The following RALGAPA2 variants were observed in gnomAD, a reference collection of about 807,000 sequenced individuals.
The protein encoded by RALGAPA2 is Ral GTPase activating protein catalytic subunit alpha 2, also known as ral GTPase-activating protein subunit alpha-2.
A neutral mutation model predicts 230.4 loss-of-function variants in RALGAPA2; 139 were observed. That is an observed-to-expected ratio of 0.60 (90% CI 0.53 to 0.69). The LOEUF (loss-of-function observed/expected upper bound fraction) is 0.69, where lower values mean the gene tolerates loss of function less well. Among genes scored for constraint, RALGAPA2 ranks in the 30% least tolerant of loss-of-function variants. The pLI, the probability that RALGAPA2 is intolerant of heterozygous loss-of-function variation, is 0.00. For synonymous variants in RALGAPA2, 847 were observed against 837.8 expected (o/e 1.01, Z -0.19); for missense variants, 2,163 against 2,276.0 (o/e 0.95, Z 1.01).
chr20:20,694,504 A>G (rs1402828972), intron 1 of RALGAPA2, among the ~76,000 whole-genome samples: 2 of 152,204 alleles, frequency 1.3e-5, no homozygotes, highest in Non-Finnish European at 2.9e-5. Flanking sequence ...TCCCTAACAC[A>G]AGAAAACGAA....
At chr20:20,627,160 C>A (rs953242433) in intron 10 of RALGAPA2, among the ~76,000 whole-genome samples, 1 of 151,962 alleles carries the variant, frequency 6.6e-6, no homozygotes, top group Non-Finnish European at 1.5e-5. Context: ...GATGGGAGCT[C>A]CAAGGAGAGG....
chr20:20,438,386 T>C (rs958876755), intron 37 of RALGAPA2, among the ~76,000 whole-genome samples: 2 of 152,236 alleles, frequency 1.3e-5, no homozygotes, highest in African/African-American at 4.8e-5. Context: ...CTATAACTGA[T>C]GTACTCTGGA....
intron 7 of RALGAPA2, 126 bp from the exon 8 acceptor site, chr20:20,637,627 C>T: frequency 1.2e-6 from 1 of 839,930 alleles, no homozygotes; most frequent in Non-Finnish European, 1.8e-6. Flanking sequence ...ATAATATTGA[C>T]AATCATGTAA....
At chr20:20,575,205 T>A (rs532638343) in intron 20 of RALGAPA2, among the ~76,000 whole-genome samples, 3 of 152,178 alleles carry the variant, frequency 2.0e-5, no homozygotes, top group Admixed American at 6.6e-5. Context: ...CATATTTGAA[T>A]GCCATCCATA....
intron 38 of RALGAPA2, among the ~76,000 whole-genome samples, chr20:20,408,129 C>T (rs1270204843): frequency 6.6e-6 from 1 of 152,226 alleles, no homozygotes; most frequent in Non-Finnish European, 1.5e-5. Context: ...AGAAAGGAAC[C>T]ATACGTAGTA....
chr20:20,587,566 T>G (rs943370037), intron 18 of RALGAPA2, among the ~76,000 whole-genome samples: 1 of 151,994 alleles, frequency 6.6e-6, no homozygotes, highest in Admixed American at 6.6e-5. Flanking sequence ...CCTGAAACAT[T>G]TATAAATATA....
chr20:20,597,607 G>C (rs540166294), intron 16 of RALGAPA2, among the ~76,000 whole-genome samples: 1 of 152,188 alleles, frequency 6.6e-6, no homozygotes, highest in African/African-American at 2.4e-5. Context: ...TTGGGAGGCT[G>C]AGGCAGGTGG....
intron 37 of RALGAPA2, among the ~76,000 whole-genome samples, chr20:20,449,829 T>C (rs1270652244): frequency 6.6e-6 from 1 of 152,230 alleles, no homozygotes; most frequent in Non-Finnish European, 1.5e-5. Context: ...TTCCAACTTA[T>C]ACAAAATATA....
At chr20:20,482,081 A>C (rs545051119) in intron 36 of RALGAPA2, among the ~76,000 whole-genome samples, 9 of 152,372 alleles carry the variant, frequency 5.9e-5, no homozygotes, top group African/African-American at 1.4e-4. Context: ...ATTCTCTAAA[A>C]TACCAGAAGA....
intron 6 of RALGAPA2, 23 bp downstream of exon 6, chr20:20,640,678 G>A (rs1178919476): frequency 6.9e-6 from 11 of 1,582,956 alleles, no homozygotes; most frequent in Non-Finnish European, 8.6e-6. Context: ...TTTCAACATG[G>A]GAGATCTGCT....
intron 1 of RALGAPA2, among the ~76,000 whole-genome samples, chr20:20,683,552 C>A (rs1176800501): frequency 2.0e-5 from 3 of 152,206 alleles, no homozygotes; most frequent in African/African-American, 7.2e-5. Context: ...CTTGGGGCCC[C>A]TGCAGGATGC....
intron 37 of RALGAPA2, among the ~76,000 whole-genome samples, chr20:20,461,323 C>A (rs1006747906): frequency 6.6e-6 from 1 of 152,154 alleles, no homozygotes; most frequent in African/African-American, 2.4e-5. Context: ...TTAAAACTAA[C>A]TTACATTTTT....
At chr20:20,610,788 T>G (rs2065953714) in intron 14 of RALGAPA2, among the ~76,000 whole-genome samples, 1 of 152,078 alleles carries the variant, frequency 6.6e-6, no homozygotes, top group Non-Finnish European at 1.5e-5. Context: ...ACTACATCTG[T>G]CAAAGCCCAT....
intron 4 of RALGAPA2, among the ~76,000 whole-genome samples, chr20:20,645,622 A>C (rs899637521): frequency 6.6e-6 from 1 of 152,190 alleles, no homozygotes; most frequent in South Asian, 2.1e-4. Flanking sequence ...TATGTATTTG[A>C]TCTAGTCTAT....
intron 36 of RALGAPA2, among the ~76,000 whole-genome samples, chr20:20,473,471 C>T (rs1039839378): frequency 2.6e-5 from 4 of 152,046 alleles, no homozygotes; most frequent in African/African-American, 7.2e-5. Flanking sequence ...CAAGATACTG[C>T]ATTACCTTCA....
chr20:20,479,740 C>A (rs2061730526), intron 36 of RALGAPA2, among the ~76,000 whole-genome samples: 1 of 152,220 alleles, frequency 6.6e-6, no homozygotes, highest in African/African-American at 2.4e-5. Context: ...CCCTACATCA[C>A]ATCTACCAAC....
chr20:20,411,958 A>G, intron 38 of RALGAPA2, 69 bp downstream of exon 38: 3 of 1,578,068 alleles, frequency 1.9e-6, no homozygotes, highest in Non-Finnish European at 2.6e-6. Context: ...TTATCTGTGA[A>G]AAACAGGTGT....
chr20:20,562,405 C>G (rs1055527364), intron 23 of RALGAPA2, among the ~76,000 whole-genome samples: 3 of 152,124 alleles, frequency 2.0e-5, no homozygotes, highest in African/African-American at 4.8e-5. Flanking sequence ...CGATATCACA[C>G]GGTAACAGTT....
intron 37 of RALGAPA2, among the ~76,000 whole-genome samples, chr20:20,464,762 G>T (rs574384491): frequency 6.6e-6 from 1 of 152,240 alleles, no homozygotes; most frequent in East Asian, 1.9e-4. Flanking sequence ...ATGTTAGAAT[G>T]ATTATTTAGA....
Sources: gnomAD v4.1 joint callset for allele counts (sites outside exome capture counted in the v4.1 genomes callset) on GRCh38, gnomAD v4.1.1 for gene constraint, MANE v1.5 for transcripts, NCBI Gene and HGNC (gene_info 2026-07-23, HGNC 2026-07-21) for gene names.